The following MYT1L variants were observed in gnomAD, a reference collection of about 807,000 sequenced individuals.
MYT1L encodes the protein myelin transcription factor 1 like.
In MYT1L, 12 loss-of-function variants were observed where a neutral mutation model predicts 126.7. The ratio of observed to expected loss-of-function variants is 0.09; its 90% CI spans 0.06 to 0.15. The LOEUF is 0.15. Ranked by LOEUF, MYT1L falls within the 10% of genes least tolerant of loss-of-function variation. The probability of loss-of-function intolerance (pLI) is 1.00; values close to 1 mark genes in which losing one functional copy is unlikely to be tolerated. For synonymous variants in MYT1L, 541 were observed against 604.2 expected, an observed-to-expected ratio of 0.90 and a Z score of 1.53; for missense variants, 979 against 1,585.2, an observed-to-expected ratio of 0.62 and a Z score of 6.49.
Position 1,979,857 on chromosome 2 carries a change from G to T in MYT1L, c.1-80C>A. On this transcript the variant is annotated intron_variant, in intron 5 of 24. Transcript: ENST00000647738. The surrounding 1 kb of genome is among the most constrained non-coding windows in gnomAD (Gnocchi z 4.0). ...CTGCAGGGGCGGCTCACTCTCCCTG[G>T]CATTCTATTAATGGGGCTTTAATCC... is the stretch of plus-strand genomic sequence containing the variant. The T allele has an allele frequency of 7.0e-7, 1 of 1,418,772 alleles. No individual in the cohort carries two copies. Among genetic ancestry groups the T allele is most frequent in the Non-Finnish European group, 9.9e-7 (1 of 1,012,076 alleles). 87.9% of individuals were successfully genotyped at this position (1,418,772 alleles called of 1,614,324 possible).
At chr2:2,215,443 G>A (rs1224131450) in intron 2 of MYT1L, among the ~76,000 whole-genome samples, 1 of 151,884 alleles carries the variant, frequency 6.6e-6, no homozygotes, top group Non-Finnish European at 1.5e-5. Flanking sequence ...ATACTACCAG[G>A]GTAAAGAAGG....
At chr2:2,295,846 G>C (rs1009259169) in intron 1 of MYT1L, among the ~76,000 whole-genome samples, 1 of 149,550 alleles carries the variant, frequency 6.7e-6, no homozygotes, top group Non-Finnish European at 1.5e-5. Flanking sequence ...GAGGGGACGG[G>C]AGGTAGCAGA....
At chr2:1,954,728 A>C (rs1412897854) in intron 8 of MYT1L, among the ~76,000 whole-genome samples, 1 of 152,130 alleles carries the variant, frequency 6.6e-6, no homozygotes, top group East Asian at 1.9e-4. Flanking sequence ...GAATGATAGT[A>C]ATTACAATTG....
intron 19 of MYT1L, among the ~76,000 whole-genome samples, chr2:1,849,522 C>T (rs1195928837): frequency 6.6e-6 from 1 of 152,230 alleles, no homozygotes; most frequent in Non-Finnish European, 1.5e-5. Flanking sequence ...CCAGGGGACA[C>T]TCAGCAGTGA....
At chr2:1,954,079 G>T (rs538295732) in intron 8 of MYT1L, among the ~76,000 whole-genome samples, 3 of 152,176 alleles carry the variant, frequency 2.0e-5, no homozygotes, top group Non-Finnish European at 4.4e-5. Context: ...GAAATCTGGT[G>T]GAGGGAGAAA....
At chr2:1,854,404 G>A (rs1204223600) in intron 18 of MYT1L, among the ~76,000 whole-genome samples, 1 of 152,130 alleles carries the variant, frequency 6.6e-6, no homozygotes, top group East Asian at 1.9e-4. Flanking sequence ...CGCTAAATAA[G>A]CACTACTCAG....
At chr2:1,980,323 T>C (rs565369812) in intron 5 of MYT1L, among the ~76,000 whole-genome samples, 8 of 148,168 alleles carry the variant, frequency 5.4e-5, no homozygotes, top group East Asian at 1.9e-4. Context: ...TATCTATATA[T>C]ACACACACAC....
At chr2:2,028,452 G>C (rs890938240) in intron 4 of MYT1L, among the ~76,000 whole-genome samples, 2 of 152,174 alleles carry the variant, frequency 1.3e-5, no homozygotes, top group South Asian at 2.1e-4. Context: ...GTGACAAGAG[G>C]GAGGCTAGGA....
intron 23 of MYT1L, among the ~76,000 whole-genome samples, chr2:1,796,673 GCAGCATCC>G (rs1182708824): frequency 6.6e-6 from 1 of 151,504 alleles, no homozygotes; most frequent in East Asian, 2.0e-4. Flanking sequence ...GCCACGGGGG[GCAGCATCC>G]CAGCCTCCCA....
intron 21 of MYT1L, among the ~76,000 whole-genome samples, chr2:1,813,851 C>T (rs1462667045): frequency 1.9e-5 from 2 of 104,238 alleles, no homozygotes; most frequent in African/African-American, 7.0e-5. Flanking sequence ...CACGGTGAAA[C>T]CCCGTCTGTA....
chr2:1,826,296 G>A (rs963413640), intron 21 of MYT1L, among the ~76,000 whole-genome samples: 18 of 152,358 alleles, frequency 1.2e-4, no homozygotes, highest in African/African-American at 2.4e-4. Context: ...CTGCGCTGGC[G>A]CAGAGGGCCC....
At chr2:1,973,743 C>A (rs1168715989) in intron 8 of MYT1L, among the ~76,000 whole-genome samples, 1 of 152,192 alleles carries the variant, frequency 6.6e-6, no homozygotes, top group African/African-American at 2.4e-5. Context: ...AGGATGCTGC[C>A]AGGAAATGCT....
At chr2:2,274,916 G>A (rs2095328950) in intron 2 of MYT1L, among the ~76,000 whole-genome samples, 1 of 152,150 alleles carries the variant, frequency 6.6e-6, no homozygotes, top group South Asian at 2.1e-4. Context: ...CACTCGGAGA[G>A]CTGTGAGGCT....
At chr2:2,310,622 C>T (rs776471762) in intron 1 of MYT1L, among the ~76,000 whole-genome samples, 1 of 152,130 alleles carries the variant, frequency 6.6e-6, no homozygotes, top group Non-Finnish European at 1.5e-5. Context: ...TTATTTTAAA[C>T]AATATCTTTT....
At chr2:2,154,124 C>T (rs1365824520) in intron 3 of MYT1L, among the ~76,000 whole-genome samples, 1 of 152,154 alleles carries the variant, frequency 6.6e-6, no homozygotes, top group Non-Finnish European at 1.5e-5. Context: ...GACACTTCCG[C>T]CTGAGGTTTA....
chr2:2,206,409 C>T (rs1190419440), intron 2 of MYT1L, among the ~76,000 whole-genome samples: 1 of 152,130 alleles, frequency 6.6e-6, no homozygotes, highest in Admixed American at 6.5e-5. Context: ...TTTGATAAAA[C>T]GTCCATGATA....
chr2:1,813,661 C>T (rs994066881), intron 21 of MYT1L, among the ~76,000 whole-genome samples: 1 of 152,088 alleles, frequency 6.6e-6, no homozygotes, highest in Non-Finnish European at 1.5e-5. Context: ...CTGCGGGCTC[C>T]TTAGAAGTTA....
intron 8 of MYT1L, among the ~76,000 whole-genome samples, chr2:1,954,457 C>T (rs1040085877): frequency 3.3e-5 from 5 of 152,184 alleles, no homozygotes; most frequent in African/African-American, 4.8e-5. Flanking sequence ...ATGCATACGT[C>T]CACACCAGTG....
chr2:2,003,988 A>AGTTCTTTCCTGCAT (rs2062725684), intron 4 of MYT1L, among the ~76,000 whole-genome samples: 1 of 106,990 alleles, frequency 9.3e-6, no homozygotes, highest in African/African-American at 3.5e-5. Context: ...CTTTCCTGCA[A>AGTTCTTTCCTGCAT]GCGTTCTTTC....
Sources: gnomAD v4.1 joint callset for allele counts (sites outside exome capture counted in the v4.1 genomes callset) on GRCh38, gnomAD v4.1.1 for gene constraint, Gnocchi (gnomAD v3.1) non-coding constraint, MANE v1.5 for transcripts, NCBI Gene and HGNC (gene_info 2026-07-23, HGNC 2026-07-21) for gene names.